CD48: variants seen among roughly 807,000 people sequenced by gnomAD.
The protein encoded by CD48 is CD48 antigen.
Under a neutral mutation model 22.0 loss-of-function variants are expected in CD48, and 20 were observed. The observed-to-expected ratio is 0.91, with a 90% confidence interval of 0.64 to 1.32. CD48 has a LOEUF of 1.32. Ranked by LOEUF, CD48 falls within the 40% of genes most tolerant of loss-of-function variation. The pLI is 0.00. For missense variants in CD48, 307 were observed against 286.5 expected (o/e 1.07, Z -0.52); for synonymous variants, 110 against 110.1 (o/e 1.00, Z 0.01).
intron 1 of CD48, among the ~76,000 whole-genome samples, chr1:160,705,711 A>T (rs1282252560): frequency 6.6e-6 from 1 of 152,206 alleles, no homozygotes; most frequent in Admixed American, 6.5e-5. Flanking sequence ...ATGAATTAAT[A>T]GAAGCGGTCA....
intron 1 of CD48, 63 bp from the exon 2 acceptor site, chr1:160,685,252 G>C: frequency 7.2e-6 from 9 of 1,244,388 alleles, no homozygotes; most frequent in African/African-American, 1.5e-5. Context: ...CAGGCCCAGG[G>C]TATAGCCTGG....
chr1:160,698,368 C>T (rs938667838), intron 1 of CD48, among the ~76,000 whole-genome samples: 12 of 152,062 alleles, frequency 7.9e-5, no homozygotes, highest in African/African-American at 1.2e-4. Context: ...TATTAAAAGG[C>T]ATTTTAAATA....
rs1371044185 is a variant in CD48 at position 160,678,835 on chromosome 1, G to T, written c.*217C>A. On this transcript the variant is annotated 3_prime_UTR_variant, in exon 4 of 4. Transcript: ENST00000368046. Reference sequence around the variant, plus strand: ...TGTCACAATTTTGGGTGGGAAAAAAGCATGTGTATCTCTATATCTCTGTGT... The same window carrying T: ...TGTCACAATTTTGGGTGGGAAAAAATCATGTGTATCTCTATATCTCTGTGT... 2.4e-6 allele frequency: 1 copy of T among 417,560 alleles called. No individual in the cohort carries two copies. The highest frequency in any genetic ancestry group is 4.3e-6 in the Non-Finnish European group (1 of 234,874). 25.9% of individuals were successfully genotyped at this position (417,560 alleles called of 1,614,324 possible).
intron 1 of CD48, among the ~76,000 whole-genome samples, chr1:160,694,138 A>G (rs1558034979): frequency 6.6e-6 from 1 of 152,256 alleles, no homozygotes; most frequent in African/African-American, 2.4e-5. Context: ...GTGAAATTCA[A>G]TTGGTTATTA....
At chr1:160,690,638 A>C in intron 1 of CD48, among the ~76,000 whole-genome samples, 1 of 152,208 alleles carries the variant, frequency 6.6e-6, no homozygotes, top group African/African-American at 2.4e-5. Context: ...GAGACCTAAT[A>C]TGTGTAATAT....
intron 1 of CD48, among the ~76,000 whole-genome samples, chr1:160,705,909 A>T (rs567554717): frequency 6.6e-6 from 1 of 152,218 alleles, no homozygotes; most frequent in Admixed American, 6.5e-5. Context: ...GATATTGCCA[A>T]ATGTCCCTTG....
At chr1:160,711,149 C>T (rs1426738119) in intron 1 of CD48, among the ~76,000 whole-genome samples, 1 of 152,160 alleles carries the variant, frequency 6.6e-6, no homozygotes, top group Non-Finnish European at 1.5e-5. Context: ...GCACTTCCAG[C>T]CTCTTCTCAG....
At chr1:160,704,528 T>C (rs1662735339) in intron 1 of CD48, among the ~76,000 whole-genome samples, 1 of 152,226 alleles carries the variant, frequency 6.6e-6, no homozygotes, top group African/African-American at 2.4e-5. Flanking sequence ...CATGGACATG[T>C]TGCAATCGGG....
intron 3 of CD48, 91 bp downstream of exon 3, chr1:160,681,111 C>T (rs766641338): frequency 1.3e-6 from 2 of 1,597,640 alleles, no homozygotes; most frequent in Non-Finnish European, 1.7e-6. Flanking sequence ...CCACACTGTG[C>T]AAGGAGGCTG....
intron 1 of CD48, among the ~76,000 whole-genome samples, chr1:160,707,919 C>T (rs1662839427): frequency 6.6e-6 from 1 of 152,154 alleles, no homozygotes; most frequent in Admixed American, 6.6e-5. Context: ...ATGTGCTTGG[C>T]TCTGTAAGGG....
At chr1:160,708,713 G>A (rs368616021) in intron 1 of CD48, among the ~76,000 whole-genome samples, 28 of 152,110 alleles carry the variant, frequency 1.8e-4, no homozygotes, top group Non-Finnish European at 4.1e-4. Context: ...GTAGGTTTGG[G>A]GGAAGAAGGA....
chr1:160,681,142 T>G (rs1160408865), intron 3 of CD48, 60 bp downstream of exon 3: 3 of 1,613,210 alleles, frequency 1.9e-6, no homozygotes, highest in Non-Finnish European at 2.5e-6. Flanking sequence ...CCAGCCTTTC[T>G]TTGTTCAAAA....
At chr1:160,711,060 G>A (rs116715707) in intron 1 of CD48, among the ~76,000 whole-genome samples, 2,337 of 152,238 alleles carry the variant, frequency 0.015, 28 homozygotes, top group Non-Finnish European at 0.024. Context: ...GTCACACACC[G>A]GGGACCGAAC....
intron 1 of CD48, among the ~76,000 whole-genome samples, chr1:160,702,325 C>T (rs551920894): frequency 6.6e-6 from 1 of 152,228 alleles, no homozygotes; most frequent in East Asian, 1.9e-4. Context: ...TGTACTGAGA[C>T]AGAAGTAGAG....
At chr1:160,705,296 AGCCCAT>A (rs1662755593) in intron 1 of CD48, among the ~76,000 whole-genome samples, 1 of 152,194 alleles carries the variant, frequency 6.6e-6, no homozygotes, top group Non-Finnish European at 1.5e-5. Context: ...TGATTGGTCC[AGCCCAT>A]GCCCTATAAT....
intron 2 of CD48, among the ~76,000 whole-genome samples, chr1:160,683,012 A>G (rs1271877206): frequency 6.6e-6 from 1 of 152,200 alleles, no homozygotes; most frequent in East Asian, 1.9e-4. Flanking sequence ...AGCTCTACCA[A>G]TCTGGTCTCT....
At chr1:160,687,047 G>A (rs908533187) in intron 1 of CD48, among the ~76,000 whole-genome samples, 6 of 152,208 alleles carry the variant, frequency 3.9e-5, no homozygotes, top group Non-Finnish European at 7.4e-5. Flanking sequence ...CTGCAGTTTC[G>A]ACCATAAGAG....
At chr1:160,702,075 T>G (rs754157942) in intron 1 of CD48, among the ~76,000 whole-genome samples, 2 of 152,122 alleles carry the variant, frequency 1.3e-5, no homozygotes, top group Non-Finnish European at 2.9e-5. Context: ...AATAGGAAAC[T>G]TGGCAGACAC....
rs1661788953 is a variant in CD48, at chr1:160,681,218, A to G, written c.636T>C (p.Ser212=). ...VSSKNGTVCL[S]PPCTLARSFG... is the part of the protein sequence containing the mutation. ...CCTTCTTACCCAGGGTACAGGGTGGACTGAGGCAGACCGTGCCATTCTTGC... is the reference window on the plus strand; with the variant it reads ...CCTTCTTACCCAGGGTACAGGGTGGGCTGAGGCAGACCGTGCCATTCTTGC... The change falls in exon 3 of 4, where the codon AGT becomes AGC. Residue 212 remains serine, a synonymous_variant. Coordinates refer to ENST00000368046, the MANE Select transcript of CD48 (RefSeq NM_001778.4). 4 of 1,614,000 alleles carry G rather than the reference A, an allele frequency of 2.5e-6. No homozygotes were observed. Among genetic ancestry groups the G allele is most frequent in the Admixed American group, 1.7e-5 (1 of 59,998 alleles).
Sources: allele counts gnomAD v4.1 joint callset (sites outside exome capture counted in the v4.1 genomes callset), GRCh38; gene constraint gnomAD v4.1.1; transcripts MANE v1.5; gene names NCBI Gene and HGNC (gene_info 2026-07-23, HGNC 2026-07-21).